The following LHFPL7 variants were observed in gnomAD, a reference collection of about 807,000 sequenced individuals.
LHFPL7 encodes the protein LHFPL tetraspan subfamily member 7, also known as LHFPL tetraspan subfamily member 7 protein.
chr22:24,942,892 AGTGTGTGT>A, the LHFPL7 span, among the ~76,000 whole-genome samples: 474 of 128,118 alleles, frequency 3.7e-3, 4 homozygotes, highest in Middle Eastern at 7.8e-3. Context: ...AAGGGGATAA[AGTGTGTGT>A]GTGTGTGTGT....
the LHFPL7 span, among the ~76,000 whole-genome samples, chr22:24,936,404 A>G: frequency 1.4e-4 from 22 of 152,284 alleles, no homozygotes; most frequent in African/African-American, 2.2e-4. Flanking sequence ...CCATCTACCA[A>G]TGTATCCATC....
chr22:24,940,782 T>C, the LHFPL7 span, among the ~76,000 whole-genome samples: 5 of 138,628 alleles, frequency 3.6e-5, no homozygotes, highest in African/African-American at 1.3e-4. Context: ...TCCTTCCCTC[T>C]CTCTCTCTTT....
chr22:24,940,778 CCT>C, the LHFPL7 span, among the ~76,000 whole-genome samples: 31 of 145,958 alleles, frequency 2.1e-4, no homozygotes, highest in African/African-American at 7.2e-4. Flanking sequence ...TCCTTCCTTC[CCT>C]CTCTCTCTCT....
At chr22:24,939,617 G>C in the LHFPL7 span, 32 of 692,104 alleles carry the variant, frequency 4.6e-5, no homozygotes, top group Non-Finnish European at 6.9e-5. Flanking sequence ...GGGGCTGGCC[G>C]AGGTGCTCCC....
chr22:24,935,512 T>A, the LHFPL7 span: 2 of 1,614,034 alleles, frequency 1.2e-6, no homozygotes, highest in Admixed American at 1.7e-5. Context: ...CCATAATACA[T>A]GGAGGAGGCT....
At chr22:24,943,973 T>C in the LHFPL7 span, among the ~76,000 whole-genome samples, 2 of 152,204 alleles carry the variant, frequency 1.3e-5, no homozygotes, top group Admixed American at 6.5e-5. Flanking sequence ...TCAACTTTAA[T>C]GTGCCCAGCT....
the LHFPL7 span, among the ~76,000 whole-genome samples, chr22:24,938,919 A>T: frequency 3.3e-5 from 5 of 152,172 alleles, no homozygotes; most frequent in Non-Finnish European, 7.3e-5. Context: ...GCCATCATAG[A>T]TTTGCAAACT....
the LHFPL7 span, chr22:24,938,022 G>A: frequency 1.6e-3 from 2,156 of 1,383,282 alleles, 2 homozygotes; most frequent in Non-Finnish European, 1.9e-3. Flanking sequence ...AACAATCCTA[G>A]GGTTTATCTC....
chr22:24,946,439 ACAC>A, the LHFPL7 span: 3 of 121,658 alleles, frequency 2.5e-5, no homozygotes, highest in Non-Finnish European at 3.2e-5. Context: ...ACACACACAC[ACAC>A]AATTGTATGT....
the LHFPL7 span, among the ~76,000 whole-genome samples, chr22:24,945,841 C>A: frequency 6.6e-6 from 1 of 152,192 alleles, no homozygotes; most frequent in Non-Finnish European, 1.5e-5. Context: ...CACATTCTCC[C>A]GGCTATGCAG....
At chr22:24,935,784 C>G in the LHFPL7 span, among the ~76,000 whole-genome samples, 2 of 152,114 alleles carry the variant, frequency 1.3e-5, no homozygotes, top group East Asian at 3.9e-4. Flanking sequence ...AACTATCTGT[C>G]CCTTCACTAA....
At chr22:24,939,099 C>A in the LHFPL7 span, among the ~76,000 whole-genome samples, 1 of 152,188 alleles carries the variant, frequency 6.6e-6, no homozygotes, top group African/African-American at 2.4e-5. Flanking sequence ...GAGACAGGGG[C>A]TCCGGGTGGA....
chr22:24,940,686 TCTCTCCCTCCCTCC>T, the LHFPL7 span, among the ~76,000 whole-genome samples: 1 of 14,532 alleles, frequency 6.9e-5, no homozygotes, highest in African/African-American at 2.3e-4. Context: ...TCCTTCCTTC[TCTCTCCCTCCCTCC>T]TTCCCTCCTT....
At chr22:24,941,170 T>C in the LHFPL7 span, among the ~76,000 whole-genome samples, 1 of 151,652 alleles carries the variant, frequency 6.6e-6, no homozygotes, top group Non-Finnish European at 1.5e-5. Context: ...GATGGTATTA[T>C]CTTTTTTTTT....
the LHFPL7 span, among the ~76,000 whole-genome samples, chr22:24,939,921 T>C: frequency 1.8e-5 from 2 of 113,374 alleles, no homozygotes; most frequent in Admixed American, 1.1e-4. Flanking sequence ...CATTCATTTA[T>C]CGCTTTTTTT....
At chr22:24,938,070 CTCATTCATTCATTCAT>C in the LHFPL7 span, 7,490 of 1,498,662 alleles carry the variant, frequency 5.0e-3, 307 homozygotes, top group African/African-American at 0.091. Context: ...TGCTCACAGA[CTCATTCATTCATTCAT>C]TCATTCATTC....
At chr22:24,939,467 G>A in the LHFPL7 span, 2 of 703,146 alleles carry the variant, frequency 2.8e-6, no homozygotes, top group South Asian at 1.5e-5. Context: ...ACCAGGCAGG[G>A]GAGATGAGGC....
the LHFPL7 span, among the ~76,000 whole-genome samples, chr22:24,943,374 C>A: frequency 6.6e-6 from 1 of 152,160 alleles, no homozygotes; most frequent in Non-Finnish European, 1.5e-5. Context: ...AAACCACATC[C>A]GGCCAGGCTG....
the LHFPL7 span, among the ~76,000 whole-genome samples, chr22:24,942,876 A>T: frequency 6.8e-6 from 1 of 147,724 alleles, no homozygotes; most frequent in African/African-American, 2.5e-5. Context: ...GTTGTTGTGA[A>T]GCTTCAAGGG....
Sources: allele counts gnomAD v4.1 joint callset (sites outside exome capture counted in the v4.1 genomes callset), GRCh38; gene constraint gnomAD v4.1.1; transcripts MANE v1.5; gene names NCBI Gene and HGNC (gene_info 2026-07-23, HGNC 2026-07-21).